Variants in NCK2 observed in about 807,000 individuals in gnomAD.
NCK2 encodes the protein NCK adaptor protein 2, also known as cytoplasmic protein NCK2.
In NCK2, 16 loss-of-function variants were observed where a neutral mutation model predicts 33.9. That is an observed-to-expected ratio of 0.47 (90% CI 0.32 to 0.72). The LOEUF (loss-of-function observed/expected upper bound fraction) is 0.72, where lower values mean the gene tolerates loss of function less well. NCK2 is among the 30% of genes least tolerant of loss of function. NCK2 has a pLI of 0.03. For synonymous variants in NCK2, 273 were observed against 239.9 expected, an observed-to-expected ratio of 1.14 and a Z score of -1.27; for missense variants, 418 against 537.3, an observed-to-expected ratio of 0.78 and a Z score of 2.19.
intron 4 of NCK2, among the ~76,000 whole-genome samples, chr2:105,892,702 C>T (rs1436604624): frequency 2.6e-5 from 4 of 152,040 alleles, no homozygotes; most frequent in East Asian, 1.9e-4. Context: ...AAATATTAGC[C>T]GGGCATGGTG....
At chr2:105,883,803 TC>T (rs1333303914) in intron 4 of NCK2, among the ~76,000 whole-genome samples, 2 of 152,222 alleles carry the variant, frequency 1.3e-5, no homozygotes, top group African/African-American at 4.8e-5. Context: ...TGTTTGTATT[TC>T]CTTTTAACAG....
rs182046756 is a variant in NCK2 at position 105,890,365 on chromosome 2, C to G, written c.949-2617C>G. Among the ~76,000 whole-genome samples, 33 of 152,294 alleles carry G rather than the reference C, an allele frequency of 2.2e-4. No homozygotes were observed. In the East Asian group the frequency reaches 5.6e-3, roughly 26 times the overall value. ...TCTTACATCTACCATGATTCACTCC[C>G]ATACTGCCTCCACTAAAAATGATGC... On this transcript the variant is annotated intron_variant, in intron 4 of 4. Coordinates refer to ENST00000233154, the MANE Select transcript of NCK2 (RefSeq NM_003581.5).
intron 1 of NCK2, among the ~76,000 whole-genome samples, chr2:105,814,945 C>T (rs72825169): frequency 2.0e-5 from 3 of 152,144 alleles, no homozygotes; most frequent in Non-Finnish European, 4.4e-5. Context: ...TTATAATAGC[C>T]CCTGAAAATG....
chr2:105,848,724 A>G (rs1676943121), intron 2 of NCK2: 2 of 152,224 alleles, frequency 1.3e-5, no homozygotes, highest in Non-Finnish European at 2.9e-5. Flanking sequence ...ATATTGAAAC[A>G]AGCCCCTTCC....
At chr2:105,858,947 C>T (rs139820986) in intron 3 of NCK2, among the ~76,000 whole-genome samples, 22 of 152,276 alleles carry the variant, frequency 1.4e-4, no homozygotes, top group African/African-American at 5.1e-4. Flanking sequence ...CCACAGATAA[C>T]AGGGAACAAT....
chr2:105,879,337 T>A (rs1678369253), intron 3 of NCK2, among the ~76,000 whole-genome samples: 1 of 152,220 alleles, frequency 6.6e-6, no homozygotes, highest in South Asian at 2.1e-4. Context: ...ACCACTGCCT[T>A]CTGGACAAAA....
intron 4 of NCK2, 46 bp from the exon 5 acceptor site, chr2:105,892,936 C>T (rs374952006): frequency 1.3e-5 from 20 of 1,532,554 alleles, no homozygotes; most frequent in Non-Finnish European, 1.7e-5. Flanking sequence ...TTAGACACAG[C>T]TCCCCGCTGT....
At chr2:105,853,084 A>G (rs1677128152) in intron 2 of NCK2, among the ~76,000 whole-genome samples, 1 of 152,176 alleles carries the variant, frequency 6.6e-6, no homozygotes, top group Non-Finnish European at 1.5e-5. Context: ...GGTCCCCTGT[A>G]ATCCTAAAGT....
chr2:105,841,889 C>A (rs894386592), intron 2 of NCK2, among the ~76,000 whole-genome samples: 3 of 152,088 alleles, frequency 2.0e-5, no homozygotes, highest in African/African-American at 7.2e-5. Context: ...TATTAATAGA[C>A]CCTTCAGAGA....
chr2:105,774,468 T>C (rs1690240471), intron 1 of NCK2, among the ~76,000 whole-genome samples: 1 of 152,076 alleles, frequency 6.6e-6, no homozygotes, highest in Admixed American at 6.6e-5. Flanking sequence ...GATGTATTGG[T>C]CAGAATCTGG....
intron 4 of NCK2, 77 bp from the exon 5 acceptor site, chr2:105,892,905 G>C: frequency 5.8e-6 from 7 of 1,210,752 alleles, no homozygotes; most frequent in Non-Finnish European, 8.1e-6. Flanking sequence ...GGATTTAGAC[G>C]CACAAGAGAT....
chr2:105,803,578 C>T (rs1044332980), intron 1 of NCK2, among the ~76,000 whole-genome samples: 7 of 152,184 alleles, frequency 4.6e-5, no homozygotes, highest in Non-Finnish European at 7.3e-5. Context: ...TAGGAAAGTG[C>T]GGAACTGGCA....
chr2:105,780,325 TACACACAC>T (rs57857814), intron 1 of NCK2, among the ~76,000 whole-genome samples: 29,066 of 147,418 alleles, frequency 0.2, 3,774 homozygotes, highest in African/African-American at 0.36. Flanking sequence ...GAGAGATATA[TACACACAC>T]ACACACACAC....
At chr2:105,869,080 GGGAA>G (rs1382134192) in intron 3 of NCK2, among the ~76,000 whole-genome samples, 2 of 152,156 alleles carry the variant, frequency 1.3e-5, no homozygotes, top group African/African-American at 4.8e-5. Context: ...ACCCTTACCT[GGGAA>G]ACGGGGCTCC....
intron 3 of NCK2, among the ~76,000 whole-genome samples, chr2:105,880,799 A>G (rs1678439044): frequency 6.6e-6 from 1 of 152,154 alleles, no homozygotes; most frequent in Non-Finnish European, 1.5e-5. Flanking sequence ...TTTTAGAGAC[A>G]GGGCCTCACT....
chr2:105,784,121 TGA>T (rs910391566), intron 1 of NCK2, among the ~76,000 whole-genome samples: 4 of 152,208 alleles, frequency 2.6e-5, no homozygotes, highest in Admixed American at 1.3e-4. Context: ...TTTTCTTTTT[TGA>T]GAGAGGCTCT....
At position 105,801,210 on chromosome 2, in the gene NCK2, C is replaced by A. The variant is rs1006784265; in HGVS notation, c.-200-15220C>A. Among the ~76,000 whole-genome samples the A allele has an allele frequency of 5.9e-5, 9 of 152,042 alleles. 1 individual carries two copies. Among genetic ancestry groups the A allele is most frequent in the African/African-American group, 2.2e-4 (9 of 41,368 alleles). ...AATATGCCTCCTTACCCTGGGACCT[C>A]CCCTCCAACCCTGCTCACTGGCTAG... is the stretch of plus-strand genomic sequence containing the variant. On this transcript the variant is annotated intron_variant, in intron 1 of 4. Coordinates refer to ENST00000233154, the MANE Select transcript of NCK2 (RefSeq NM_003581.5).
chr2:105,799,058 T>C (rs1691179313), intron 1 of NCK2, among the ~76,000 whole-genome samples: 1 of 152,152 alleles, frequency 6.6e-6, no homozygotes, highest in Non-Finnish European at 1.5e-5. Flanking sequence ...GTTTTCTTGG[T>C]GTGTTGGTCT....
chr2:105,782,127 T>C (rs1040524026), intron 1 of NCK2, among the ~76,000 whole-genome samples: 4 of 152,216 alleles, frequency 2.6e-5, no homozygotes, highest in Admixed American at 6.5e-5. Context: ...GAAGTTGCTT[T>C]TGGGCTTCCG....
Sources: allele counts gnomAD v4.1 joint callset (sites outside exome capture counted in the v4.1 genomes callset), GRCh38; gene constraint gnomAD v4.1.1; transcripts MANE v1.5; gene names NCBI Gene and HGNC (gene_info 2026-07-23, HGNC 2026-07-21).